The following ADCY8 variants were observed in gnomAD, a reference collection of about 807,000 sequenced individuals.
The protein encoded by ADCY8 is adenylate cyclase type 8.
A neutral mutation model predicts 119.7 loss-of-function variants in ADCY8; 51 were observed. The observed-to-expected ratio is 0.43, with a 90% confidence interval of 0.34 to 0.54. ADCY8 has a LOEUF of 0.54. ADCY8 is among the 20% of genes least tolerant of loss of function. The pLI is 0.03. For synonymous variants in ADCY8, 665 were observed against 651.0 expected (o/e 1.02, Z -0.33); for missense variants, 1,383 against 1,598.8 (o/e 0.87, Z 2.30).
At chr8:130,899,393 G>T (rs1411597778) in intron 7 of ADCY8, among the ~76,000 whole-genome samples, 2 of 152,108 alleles carry the variant, frequency 1.3e-5, no homozygotes, top group African/African-American at 4.8e-5. Flanking sequence ...ATCATTTGAG[G>T]TCAGGAGTTC....
intron 12 of ADCY8, among the ~76,000 whole-genome samples, chr8:130,832,811 A>G (rs1816878251): frequency 6.6e-6 from 1 of 152,258 alleles, no homozygotes; most frequent in African/African-American, 2.4e-5. Flanking sequence ...ATAGGAATCA[A>G]CATATATTGA....
At chr8:131,026,446 C>T (rs1163013963) in intron 1 of ADCY8, among the ~76,000 whole-genome samples, 1 of 152,016 alleles carries the variant, frequency 6.6e-6, no homozygotes, top group Admixed American at 6.6e-5. Context: ...CCTGAATGTT[C>T]AATAATATAA....
intron 7 of ADCY8, among the ~76,000 whole-genome samples, chr8:130,894,956 C>T (rs1049768778): frequency 1.6e-4 from 25 of 152,080 alleles, no homozygotes; most frequent in Admixed American, 1.1e-3. Flanking sequence ...AAAAGTTATA[C>T]TTGGTGGCAA....
chr8:130,804,935 T>C (rs146030768), intron 14 of ADCY8, among the ~76,000 whole-genome samples: 193 of 152,218 alleles, frequency 1.3e-3, no homozygotes, highest in Middle Eastern at 3.4e-3. Context: ...TTAGTAGAGA[T>C]GGGGTTTCAT....
intron 12 of ADCY8, among the ~76,000 whole-genome samples, chr8:130,833,302 A>G (rs572074240): frequency 5.3e-5 from 8 of 152,284 alleles, no homozygotes; most frequent in African/African-American, 1.9e-4. Flanking sequence ...AACTTTTCTT[A>G]GCCTTTGTTC....
At chr8:130,908,925 A>G (rs1223155852) in intron 6 of ADCY8, among the ~76,000 whole-genome samples, 2 of 152,270 alleles carry the variant, frequency 1.3e-5, no homozygotes, top group African/African-American at 4.8e-5. Context: ...GGCACATACC[A>G]GAGAAATCTG....
chr8:130,876,008 T>C (rs563595169), intron 8 of ADCY8, among the ~76,000 whole-genome samples: 1 of 152,288 alleles, frequency 6.6e-6, no homozygotes, highest in East Asian at 1.9e-4. Flanking sequence ...TAGTTGTGTG[T>C]AGCAAACGAA....
At chr8:131,019,501 GCCTTA>G (rs940556086) in intron 1 of ADCY8, among the ~76,000 whole-genome samples, 1 of 152,112 alleles carries the variant, frequency 6.6e-6, no homozygotes, top group African/African-American at 2.4e-5. Flanking sequence ...TCAATTTTTA[GCCTTA>G]CCTAGGATTT....
intron 2 of ADCY8, among the ~76,000 whole-genome samples, chr8:130,984,816 C>T (rs1016726672): frequency 1.3e-5 from 2 of 151,960 alleles, no homozygotes; most frequent in Admixed American, 6.6e-5. Flanking sequence ...ATGAACAGGC[C>T]GAGCTGGTGA....
At chr8:130,886,283 T>C (rs1818980009) in intron 7 of ADCY8, among the ~76,000 whole-genome samples, 1 of 152,090 alleles carries the variant, frequency 6.6e-6, no homozygotes, top group Non-Finnish European at 1.5e-5. Flanking sequence ...CTTAGGGCAC[T>C]GAAGCATGTA....
intron 8 of ADCY8, among the ~76,000 whole-genome samples, chr8:130,883,421 G>A (rs1412247096): frequency 6.6e-6 from 1 of 152,112 alleles, no homozygotes; most frequent in African/African-American, 2.4e-5. Context: ...TGTTTTGTTA[G>A]TACATAGACA....
chr8:131,001,060 C>A (rs1379112925), intron 1 of ADCY8, among the ~76,000 whole-genome samples: 1 of 152,044 alleles, frequency 6.6e-6, no homozygotes, highest in East Asian at 1.9e-4. Context: ...TATGTTTATC[C>A]CTTCCCTCAC....
At chr8:130,865,833 G>A (rs778643487) in intron 9 of ADCY8, among the ~76,000 whole-genome samples, 5 of 152,178 alleles carry the variant, frequency 3.3e-5, no homozygotes, top group South Asian at 4.2e-4. Context: ...TATCATGAGA[G>A]GGAGATTAGA....
chr8:131,033,055 A>G (rs113611418), intron 1 of ADCY8, among the ~76,000 whole-genome samples: 2,103 of 152,348 alleles, frequency 0.014, 33 homozygotes, highest in African/African-American at 0.029. Context: ...TGATAAGTCA[A>G]GTGAACTGCT....
intron 1 of ADCY8, among the ~76,000 whole-genome samples, chr8:130,996,668 T>C (rs1362081721): frequency 6.6e-6 from 1 of 152,128 alleles, no homozygotes; most frequent in East Asian, 1.9e-4. Flanking sequence ...CCTCATATTA[T>C]ATGCAAAAAT....
chr8:130,997,103 C>T (rs1012111352), intron 1 of ADCY8, among the ~76,000 whole-genome samples: 3 of 151,952 alleles, frequency 2.0e-5, no homozygotes, highest in African/African-American at 7.3e-5. Context: ...TGTAAAATTG[C>T]ATTTAAAATA....
At chr8:130,924,741 G>T (rs1284298147) in intron 5 of ADCY8, among the ~76,000 whole-genome samples, 2 of 152,120 alleles carry the variant, frequency 1.3e-5, no homozygotes, top group Non-Finnish European at 1.5e-5. Context: ...TTTGTTGTTT[G>T]CATCCATTCT....
At chr8:130,859,983 C>T (rs1817874091) in intron 9 of ADCY8, among the ~76,000 whole-genome samples, 1 of 152,052 alleles carries the variant, frequency 6.6e-6, no homozygotes, top group South Asian at 2.1e-4. Flanking sequence ...TATCTTATTC[C>T]TTCTTAAAAT....
intron 13 of ADCY8, among the ~76,000 whole-genome samples, chr8:130,814,998 A>T (rs1337032603): frequency 2.0e-5 from 3 of 152,216 alleles, no homozygotes; most frequent in African/African-American, 7.2e-5. Flanking sequence ...GATGGCATTT[A>T]GAGATGGAAA....
Sources: allele counts gnomAD v4.1 joint callset (sites outside exome capture counted in the v4.1 genomes callset), GRCh38; gene constraint gnomAD v4.1.1; transcripts MANE v1.5; gene names NCBI Gene and HGNC (gene_info 2026-07-23, HGNC 2026-07-21).